PTPRT: variants seen among roughly 807,000 people sequenced by gnomAD.
PTPRT encodes the protein protein tyrosine phosphatase receptor type T.
A neutral mutation model predicts 176.8 loss-of-function variants in PTPRT; 56 were observed. The ratio of observed to expected loss-of-function variants is 0.32; its 90% CI spans 0.26 to 0.40. The LOEUF is 0.40. Ranked by LOEUF, PTPRT falls within the 10% of genes least tolerant of loss-of-function variation. PTPRT has a pLI of 1.00. For synonymous variants in PTPRT, 783 were observed against 739.0 expected, an observed-to-expected ratio of 1.06 and a Z score of -0.96; for missense variants, 1,540 against 1,908.2, an observed-to-expected ratio of 0.81 and a Z score of 3.60.
intron 1 of PTPRT, among the ~76,000 whole-genome samples, chr20:43,033,723 T>C (rs1986243454): frequency 6.6e-6 from 1 of 152,198 alleles, no homozygotes; most frequent in Admixed American, 6.5e-5. Flanking sequence ...GCTCAGCAGA[T>C]GAAGCACAGA....
intron 9 of PTPRT, among the ~76,000 whole-genome samples, chr20:42,363,185 G>A (rs1241335117): frequency 1.4e-5 from 2 of 139,276 alleles, no homozygotes; most frequent in Non-Finnish European, 3.1e-5. Context: ...CTCATTGATT[G>A]GCAAATCTGT....
chr20:42,098,693 C>T lies in PTPRT; in HGVS notation c.3715-141G>A, dbSNP rs543889650. On this transcript the variant is annotated intron_variant, in intron 26 of 30. Coordinates refer to ENST00000373187, the MANE Select transcript of PTPRT (RefSeq NM_007050.6). ...AACACCTGCCTGTTCTTTTATCTCT[C>T]CACGCCCTGGCGGCAAAGGGGACCT... 541 of 1,129,062 alleles carry T rather than the reference C, an allele frequency of 4.8e-4. 1 individual carries two copies. The highest frequency in any genetic ancestry group is 6.3e-4 in the Non-Finnish European group (513 of 816,242). The allele number at this position is 1,129,062 out of a possible 1,614,324, so 69.9% of individuals were successfully genotyped here. A position where few individuals can be genotyped will look rare whatever the true frequency, so the allele number is the denominator to read the frequency against.
chr20:42,569,090 A>T (rs1344975041), intron 7 of PTPRT, among the ~76,000 whole-genome samples: 1 of 106,400 alleles, frequency 9.4e-6, no homozygotes, highest in African/African-American at 3.7e-5. Flanking sequence ...AAATATATAT[A>T]TATATATATA....
chr20:42,154,463 C>G (rs566819024), intron 17 of PTPRT, among the ~76,000 whole-genome samples: 1 of 152,360 alleles, frequency 6.6e-6, no homozygotes, highest in East Asian at 1.9e-4. Flanking sequence ...AAAAGCCATA[C>G]ATATGGTGTG....
intron 22 of PTPRT, among the ~76,000 whole-genome samples, chr20:42,113,548 C>A (rs765113679): frequency 6.6e-6 from 1 of 152,214 alleles, no homozygotes; most frequent in Admixed American, 6.5e-5. Flanking sequence ...GACTGACTGA[C>A]GTGGGAGCAC....
At chr20:42,141,205 A>C (rs1988607663) in intron 18 of PTPRT, among the ~76,000 whole-genome samples, 1 of 152,114 alleles carries the variant, frequency 6.6e-6, no homozygotes, top group Non-Finnish European at 1.5e-5. Flanking sequence ...GCAGGCCCTC[A>C]CCTCAGAGCC....
intron 25 of PTPRT, 57 bp downstream of exon 25, chr20:42,104,512 T>G: frequency 1.3e-6 from 2 of 1,506,192 alleles, no homozygotes; most frequent in East Asian, 2.3e-5. Flanking sequence ...CTATGGAAAT[T>G]TGTTATAACA....
At chr20:42,157,032 T>A (rs146922472) in intron 17 of PTPRT, among the ~76,000 whole-genome samples, 28 of 152,302 alleles carry the variant, frequency 1.8e-4, no homozygotes, top group African/African-American at 6.3e-4. Flanking sequence ...GTCAGGTCCC[T>A]CTTTATTTCT....
chr20:42,678,857 C>T (rs6016870), intron 6 of PTPRT, among the ~76,000 whole-genome samples: 1 of 152,130 alleles, frequency 6.6e-6, no homozygotes, highest in African/African-American at 2.4e-5. Context: ...CCAGGGGAGC[C>T]TGAGGTCTAT....
intron 12 of PTPRT, among the ~76,000 whole-genome samples, chr20:42,289,237 C>A (rs1166238722): frequency 1.3e-5 from 2 of 151,894 alleles, no homozygotes; most frequent in African/African-American, 4.8e-5. Flanking sequence ...TGACTGAGAC[C>A]TCAAAAGCAA....
intron 1 of PTPRT, among the ~76,000 whole-genome samples, chr20:43,001,876 AAAC>A (rs869168006): frequency 2.3e-5 from 3 of 129,488 alleles, no homozygotes; most frequent in African/African-American, 5.9e-5. Context: ...ACAAACAAAC[AAAC>A]AAAAAAACAA....
At chr20:42,932,160 C>G (rs1460173501) in intron 1 of PTPRT, among the ~76,000 whole-genome samples, 1 of 152,220 alleles carries the variant, frequency 6.6e-6, no homozygotes, top group Admixed American at 6.5e-5. Flanking sequence ...CTGGGGCACA[C>G]AGAAGGCAGG....
intron 8 of PTPRT, among the ~76,000 whole-genome samples, chr20:42,451,080 G>A (rs1852993229): frequency 6.6e-6 from 1 of 152,090 alleles, no homozygotes; most frequent in Non-Finnish European, 1.5e-5. Context: ...GGTGGAAGGA[G>A]AAAAATCAGT....
intron 1 of PTPRT, among the ~76,000 whole-genome samples, chr20:43,053,487 T>C (rs1287530109): frequency 8.5e-5 from 13 of 152,138 alleles, no homozygotes; most frequent in Admixed American, 7.9e-4. Flanking sequence ...GCAATCCCCA[T>C]CACACACAAA....
At chr20:42,192,223 A>G (rs1991029642) in intron 16 of PTPRT, among the ~76,000 whole-genome samples, 1 of 152,168 alleles carries the variant, frequency 6.6e-6, no homozygotes, top group South Asian at 2.1e-4. Context: ...GGGTCAGGCC[A>G]GTTTTCCCAG....
intron 9 of PTPRT, among the ~76,000 whole-genome samples, chr20:42,421,148 T>C (rs189758825): frequency 1.1e-4 from 17 of 152,188 alleles, no homozygotes; most frequent in Admixed American, 3.9e-4. Context: ...TAAAGTCTGA[T>C]TACCTCCCAT....
At chr20:42,239,743 C>T (rs1287926387) in intron 14 of PTPRT, among the ~76,000 whole-genome samples, 1 of 152,120 alleles carries the variant, frequency 6.6e-6, no homozygotes, top group Non-Finnish European at 1.5e-5. Context: ...TTCTTGACCT[C>T]AAGCCTGTGC....
At chr20:42,754,592 A>G (rs1008103231) in intron 6 of PTPRT, among the ~76,000 whole-genome samples, 1 of 152,228 alleles carries the variant, frequency 6.6e-6, no homozygotes, top group Non-Finnish European at 1.5e-5. Flanking sequence ...CACACAAATT[A>G]ATCTTATGGC....
intron 11 of PTPRT, among the ~76,000 whole-genome samples, chr20:42,346,191 G>A (rs1450917490): frequency 6.6e-6 from 1 of 152,142 alleles, no homozygotes; most frequent in Non-Finnish European, 1.5e-5. Context: ...CTAATTAGAT[G>A]GGAAGGGGAG....
Sources: allele counts gnomAD v4.1 joint callset (sites outside exome capture counted in the v4.1 genomes callset), GRCh38; gene constraint gnomAD v4.1.1; transcripts MANE v1.5; gene names NCBI Gene and HGNC (gene_info 2026-07-23, HGNC 2026-07-21).